Variants in DHRS7B observed in about 807,000 individuals in gnomAD.
DHRS7B encodes the protein dehydrogenase/reductase 7B, also known as peroxisomal reductase activating PPAR-gamma.
A neutral mutation model predicts 26.4 loss-of-function variants in DHRS7B; 24 were observed. The observed-to-expected ratio is 0.91, with a 90% CI of 0.66 to 1.28. The LOEUF (loss-of-function observed/expected upper bound fraction) is 1.28. Ranked by LOEUF, DHRS7B falls within the 50% of genes most tolerant of loss-of-function variation. The pLI is 0.00. For synonymous variants in DHRS7B, 142 were observed against 166.4 expected (o/e 0.85, Z 1.13); for missense variants, 368 against 419.4 (o/e 0.88, Z 1.07).
At chr17:21,178,149 A>G (rs1974424603) in intron 2 of DHRS7B, 84 bp from the exon 3 acceptor site, 2 of 1,314,290 alleles carry the variant, frequency 1.5e-6, no homozygotes, top group Admixed American at 1.8e-5. Context: ...AAGGGTGTGA[A>G]GCAGCAAACA....
intron 2 of DHRS7B, among the ~76,000 whole-genome samples, chr17:21,172,605 G>A (rs994907504): frequency 9.2e-5 from 14 of 152,220 alleles, no homozygotes; most frequent in African/African-American, 3.4e-4. Context: ...AATGAAACAT[G>A]TCCTTTCCTA....
chr17:21,190,283 A>G (rs1974746959), intron 6 of DHRS7B, among the ~76,000 whole-genome samples: 1 of 152,172 alleles, frequency 6.6e-6, no homozygotes. Flanking sequence ...AAGGAACATC[A>G]GTTGCCGTTA....
intron 4 of DHRS7B, 97 bp downstream of exon 4, chr17:21,183,907 C>T: frequency 9.4e-7 from 1 of 1,065,276 alleles, no homozygotes; most frequent in East Asian, 2.5e-5. Context: ...CATCTCCATC[C>T]TCTCTGTTGC....
intron 3 of DHRS7B, among the ~76,000 whole-genome samples, 171 bp from the exon 4 acceptor site, chr17:21,183,423 T>G (rs929086966): frequency 9.2e-5 from 14 of 152,222 alleles, no homozygotes; most frequent in Admixed American, 3.3e-4. Flanking sequence ...TTCTAATCTT[T>G]ATTATAATGT....
intron 1 of DHRS7B, 59 bp from the exon 2 acceptor site, chr17:21,171,959 G>A: frequency 1.2e-6 from 2 of 1,603,046 alleles, no homozygotes; most frequent in South Asian, 2.2e-5. Context: ...GAAGAGCCTA[G>A]GAAAGTCCCC....
At chr17:21,142,382 C>T (rs974850278) in intron 1 of DHRS7B, among the ~76,000 whole-genome samples, 3 of 152,168 alleles carry the variant, frequency 2.0e-5, no homozygotes, top group African/African-American at 4.8e-5. Flanking sequence ...AGGCCCAGGC[C>T]TGGTTTCCGG....
At chr17:21,156,408 C>T (rs932380284) in intron 1 of DHRS7B, among the ~76,000 whole-genome samples, 1 of 151,742 alleles carries the variant, frequency 6.6e-6, no homozygotes, top group Non-Finnish European at 1.5e-5. Context: ...GAGATTGAGA[C>T]CAGCCTGGCC....
At chr17:21,163,205 CA>C (rs1271052350) in intron 1 of DHRS7B, among the ~76,000 whole-genome samples, 2 of 143,616 alleles carry the variant, frequency 1.4e-5, no homozygotes, top group Non-Finnish European at 3.1e-5. Context: ...AAAAAAAAAC[CA>C]AAAAAAACCA....
intron 2 of DHRS7B, among the ~76,000 whole-genome samples, chr17:21,175,514 G>T (rs970783286): frequency 2.0e-5 from 3 of 152,188 alleles, no homozygotes; most frequent in Non-Finnish European, 4.4e-5. Context: ...TCTAAGATTC[G>T]GTCTGGAACC....
In DHRS7B at chr17:21,172,190, G is replaced by C. The variant is rs1974270367; in HGVS notation, c.193G>C (p.Gly65Arg). Residue 65 changes from glycine to arginine, a missense_variant, in exon 2 of 7, where the codon GGC becomes CGC. By Grantham distance (125) the Gly-to-Arg change is moderately radical. Transcript: ENST00000395511. The stretch of plus-strand genomic sequence containing the variant: ...GATCACAGGCGCCACCTCAGGGCTG[G>C]GCAAAGGTGGGTCCTGGAGGCAGTG... ...VVITGATSGLGKECAKVFYAA... is the reference protein window; with the variant it reads ...VVITGATSGLRKECAKVFYAA... 1.2e-6 allele frequency: 2 copies of C among 1,610,970 alleles called. No homozygotes were observed. The highest frequency in any genetic ancestry group is 1.3e-5 in the African/African-American group (1 of 74,880).
intron 1 of DHRS7B, among the ~76,000 whole-genome samples, chr17:21,130,820 T>C (rs944454303): frequency 2.0e-5 from 3 of 152,218 alleles, no homozygotes; most frequent in Admixed American, 2.0e-4. Context: ...GAAACCTTTC[T>C]TTGGTAGCCA....
chr17:21,143,407 T>C (rs1973570409), intron 1 of DHRS7B, among the ~76,000 whole-genome samples: 1 of 152,214 alleles, frequency 6.6e-6, no homozygotes, highest in African/African-American at 2.4e-5. Flanking sequence ...TGTGTAATAT[T>C]GTTTCACTCA....
chr17:21,172,143 A>C lies in DHRS7B; in HGVS notation c.146A>C (p.Tyr49Ser), dbSNP rs751757675. The change falls in exon 2 of 7, where the codon TAC becomes TCC. Residue 49 changes from tyrosine (Y) to serine (S), a missense_variant. Transcript: ENST00000395511. The part of the protein sequence containing the change: ...RLLQWVRGKA[Y>S]LRNAVVVITG... ...CTGCAGTGGGTGCGCGGGAAGGCCTACCTGCGGAATGCTGTGGTGGTGATC... is the reference window on the plus strand; with the variant it reads ...CTGCAGTGGGTGCGCGGGAAGGCCTCCCTGCGGAATGCTGTGGTGGTGATC... 1.9e-6 allele frequency: 3 copies of C among 1,613,786 alleles called. No individual in the cohort carries two copies. The highest frequency in any genetic ancestry group is 2.7e-5 in the African/African-American group (2 of 74,898).
intron 1 of DHRS7B, chr17:21,166,568 GC>G (rs1464688795): frequency 3.9e-5 from 26 of 662,384 alleles, no homozygotes; most frequent in Admixed American, 6.4e-5. Context: ...GTTTGACCCT[GC>G]CTTTACTTTC....
At chr17:21,151,026 C>T (rs887726449) in intron 1 of DHRS7B, among the ~76,000 whole-genome samples, 1 of 152,128 alleles carries the variant, frequency 6.6e-6, no homozygotes, top group Non-Finnish European at 1.5e-5. Context: ...ACAAAGAGAT[C>T]CACCACATCT....
intron 1 of DHRS7B, among the ~76,000 whole-genome samples, chr17:21,141,640 A>AAAAAAAAAAAAAAAAAAAAAAAAAAAAAG: frequency 2.2e-5 from 2 of 90,084 alleles, no homozygotes; most frequent in Non-Finnish European, 2.1e-5. Context: ...AAAAAAAAAA[A>AAAAAAAAAAAAAAAAAAAAAAAAAAAAAG]CAACCTCATC....
chr17:21,142,122 C>T (rs995181246), intron 1 of DHRS7B, among the ~76,000 whole-genome samples: 4 of 152,116 alleles, frequency 2.6e-5, no homozygotes, highest in African/African-American at 9.7e-5. Context: ...TCTTAAAATC[C>T]GAGCTCTTCA....
At chr17:21,137,168 A>G (rs1489624984) in intron 1 of DHRS7B, among the ~76,000 whole-genome samples, 1 of 151,590 alleles carries the variant, frequency 6.6e-6, no homozygotes, top group Middle Eastern at 3.2e-3. Context: ...ACAGGGTTTC[A>G]CTATTCTGGC....
chr17:21,158,553 A>G (rs1973928825), intron 1 of DHRS7B, among the ~76,000 whole-genome samples: 1 of 152,238 alleles, frequency 6.6e-6, no homozygotes, highest in Non-Finnish European at 1.5e-5. Context: ...GATGAAATGT[A>G]TCAACTAAAT....
Sources: gnomAD v4.1 joint callset for allele counts (sites outside exome capture counted in the v4.1 genomes callset) on GRCh38, gnomAD v4.1.1 for gene constraint, MANE v1.5 for transcripts, NCBI Gene and HGNC (gene_info 2026-07-23, HGNC 2026-07-21) for gene names.